The following PTK2 variants were observed in gnomAD, a reference collection of about 807,000 sequenced individuals.
PTK2 encodes the protein protein tyrosine kinase 2.
In PTK2, 45 loss-of-function variants were observed where a neutral mutation model predicts 150.1. The observed-to-expected ratio is 0.30, with a 90% CI of 0.24 to 0.38. The LOEUF is 0.38. Ranked by LOEUF, PTK2 falls within the 10% of genes least tolerant of loss-of-function variation. The probability of loss-of-function intolerance (pLI) is 1.00; values close to 1 mark genes in which losing one functional copy is unlikely to be tolerated. For synonymous variants in PTK2, 432 were observed against 449.2 expected, an observed-to-expected ratio of 0.96 and a Z score of 0.48; for missense variants, 919 against 1,307.3, an observed-to-expected ratio of 0.70 and a Z score of 4.58.
At chr8:140,697,134 C>CA (rs1435864441) in intron 26 of PTK2, among the ~76,000 whole-genome samples, 21 of 75,084 alleles carry the variant, frequency 2.8e-4, no homozygotes, top group African/African-American at 1.0e-3. Context: ...ACCCTGTTTC[C>CA]GGGAAAAAAA....
chr8:140,825,686 C>T lies in PTK2; in HGVS notation c.648+4786G>A, dbSNP rs1567083796. Among the ~76,000 whole-genome samples, 4 of 152,344 alleles carry T rather than the reference C, an allele frequency of 2.6e-5. No homozygotes were observed. In the South Asian group the frequency reaches 8.3e-4, roughly 32 times the overall value. ...AACTACAGAAGTGACTCCAGTTTCA[C>T]TAGTTGTCCACTAATGTCCTTTCAC... On this transcript the variant is annotated intron_variant, in intron 8 of 31. Coordinates refer to ENST00000522684, the Ensembl canonical transcript of PTK2.
chr8:140,716,758 A>G (rs1314763257), intron 23 of PTK2, among the ~76,000 whole-genome samples: 2 of 152,214 alleles, frequency 1.3e-5, no homozygotes, highest in African/African-American at 4.8e-5. Context: ...AACTAGTCAA[A>G]TATCAAATGG....
chr8:140,798,184 T>A (rs571321746), intron 12 of PTK2, among the ~76,000 whole-genome samples: 1 of 152,152 alleles, frequency 6.6e-6, no homozygotes, highest in South Asian at 2.1e-4. Flanking sequence ...ACATTAGAGT[T>A]GCAGAAACAT....
At position 140,932,095 on chromosome 8, in the gene PTK2, C is replaced by T. The variant is rs114417490; in HGVS notation, c.-121-6346G>A. Among the ~76,000 whole-genome samples the T allele has an allele frequency of 4.3e-3, 657 of 152,306 alleles. 4 individuals carry two copies. Among genetic ancestry groups the T allele is most frequent in the African/African-American group, 0.015 (626 of 41,560 alleles). ...CACATTCTACTCTTTCCCCCACTGA[C>T]CCCATTCTCCTCAACCACATGACTC... On this transcript the variant is annotated intron_variant, in intron 1 of 31. Coordinates refer to ENST00000522684, the Ensembl canonical transcript of PTK2.
intron 18 of PTK2, 40 bp from the exon 22 acceptor site, chr8:140,744,807 A>G: frequency 1.8e-6 from 2 of 1,112,950 alleles, no homozygotes; most frequent in Non-Finnish European, 1.3e-6. Context: ...AAAAAAAAAG[A>G]ATTAGTGGCA....
intron 3 of PTK2, among the ~76,000 whole-genome samples, chr8:140,886,874 TAG>T (rs1449539938): frequency 2.0e-5 from 3 of 152,202 alleles, no homozygotes; most frequent in Non-Finnish European, 1.5e-5. Context: ...ATTTCTCTGG[TAG>T]AATTTGGAAT....
At chr8:140,869,554 T>C (rs1201279666) in intron 4 of PTK2, among the ~76,000 whole-genome samples, 3 of 152,112 alleles carry the variant, frequency 2.0e-5, no homozygotes, top group Admixed American at 6.5e-5. Context: ...GATGTCAGAC[T>C]TGGACAATAC....
chr8:140,758,581 T>C (rs1297635605), intron 16 of PTK2, among the ~76,000 whole-genome samples: 1 of 152,140 alleles, frequency 6.6e-6, no homozygotes, highest in Non-Finnish European at 1.5e-5. Flanking sequence ...GTGGATGATC[T>C]CAACACTGTG....
chr8:140,842,996 T>C (rs1486639114), intron 7 of PTK2, among the ~76,000 whole-genome samples: 3 of 152,092 alleles, frequency 2.0e-5, no homozygotes, highest in Non-Finnish European at 4.4e-5. Context: ...CCCTTATGTA[T>C]AGCAATTCTC....
intron 3 of PTK2, 39 bp from the exon 4 acceptor site, chr8:140,879,676 G>GAAAAAAAAAAAAAAT (rs2100147784): frequency 3.2e-5 from 1 of 31,602 alleles, no homozygotes; most frequent in African/African-American, 2.4e-4. Context: ...GTTATAAACT[G>GAAAAAAAAAAAAAAT]AAAAAAAAAA....
chr8:140,830,358 T>C (rs1320886873), intron 8 of PTK2, 114 bp downstream of exon 8: 14 of 662,254 alleles, frequency 2.1e-5, no homozygotes, highest in Non-Finnish European at 1.0e-5. Flanking sequence ...AAATTATATA[T>C]TTTACATGTA....
chr8:140,972,863 C>A (rs2100187841), intron 1 of PTK2, among the ~76,000 whole-genome samples: 1 of 150,946 alleles, frequency 6.6e-6, no homozygotes, highest in Admixed American at 6.6e-5. Flanking sequence ...ACAAATTTCA[C>A]CCTATGGATT....
intron 24 of PTK2, among the ~76,000 whole-genome samples, chr8:140,704,539 A>C (rs1374705330): frequency 2.0e-5 from 3 of 152,150 alleles, no homozygotes; most frequent in Non-Finnish European, 4.4e-5. Flanking sequence ...CTCTGCTAAC[A>C]GCTTGTCTCA....
rs374855180 is a variant in PTK2 at position 140,744,787 on chromosome 8, AAG to A, written c.1519-22_1519-21del. On this transcript the variant is annotated intron_variant, in intron 18 of 31. Coordinates refer to ENST00000522684, the Ensembl canonical transcript of PTK2. The stretch of plus-strand genomic sequence containing the variant: ...CCTCAGCTTTTGGAACAATGACCAA[AAG>A]AAAAAAAAAAAAAAAAGAATTAGTG... 122 of 1,358,806 alleles carry A rather than the reference AAG, an allele frequency of 9.0e-5. No homozygotes were observed. Among genetic ancestry groups the A allele is most frequent in the South Asian group, 2.1e-4 (16 of 76,702 alleles). 84.2% of individuals were successfully genotyped at this position (1,358,806 alleles called of 1,614,324 possible). A position where few individuals can be genotyped will look rare whatever the true frequency, so the allele number is the denominator to read the frequency against.
chr8:140,748,442 G>A (rs567356420), intron 17 of PTK2, among the ~76,000 whole-genome samples: 6 of 151,132 alleles, frequency 4.0e-5, no homozygotes, highest in East Asian at 3.9e-4. Context: ...GCAGTGAGCC[G>A]GGATTGCGTC....
intron 3 of PTK2, among the ~76,000 whole-genome samples, chr8:140,884,769 A>C (rs1481107196): frequency 6.6e-6 from 1 of 152,180 alleles, no homozygotes; most frequent in Non-Finnish European, 1.5e-5. Flanking sequence ...GATGATTTTA[A>C]ATTGAACACA....
chr8:140,959,920 G>A (rs960653198), intron 1 of PTK2, among the ~76,000 whole-genome samples: 1 of 151,730 alleles, frequency 6.6e-6, no homozygotes, highest in Admixed American at 6.6e-5. Flanking sequence ...AAAGGCTGAG[G>A]TGGGAGGATC....
At chr8:140,927,958 G>GAAAAAAAA (rs57931737) in intron 1 of PTK2, among the ~76,000 whole-genome samples, 1 of 63,638 alleles carries the variant, frequency 1.6e-5, no homozygotes, top group African/African-American at 6.5e-5. Context: ...AAAAAAAAAA[G>GAAAAAAAA]AAAAAAAAAA....
chr8:140,790,589 G>A (rs2100087849), intron 13 of PTK2, among the ~76,000 whole-genome samples: 1 of 152,154 alleles, frequency 6.6e-6, no homozygotes, highest in Admixed American at 6.5e-5. Flanking sequence ...GGAGCATTTT[G>A]AACTTTGAAG....
Sources: gnomAD v4.1 joint callset for allele counts (sites outside exome capture counted in the v4.1 genomes callset) on GRCh38, gnomAD v4.1.1 for gene constraint, MANE v1.5 for transcripts, NCBI Gene and HGNC (gene_info 2026-07-23, HGNC 2026-07-21) for gene names.